The following NAV3 variants were observed in gnomAD, a reference collection of about 807,000 sequenced individuals.
The protein encoded by NAV3 is pore membrane and/or filament interacting like protein 1.
A neutral mutation model predicts 244.7 loss-of-function variants in NAV3; 87 were observed. The ratio of observed to expected loss-of-function variants is 0.36; its 90% CI spans 0.30 to 0.42. The LOEUF (loss-of-function observed/expected upper bound fraction) is 0.42, where lower values mean the gene tolerates loss of function less well. Among genes scored for constraint, NAV3 ranks in the 20% least tolerant of loss-of-function variants. NAV3 has a pLI of 1.00. For missense variants in NAV3, 2,663 were observed against 2,893.3 expected, an observed-to-expected ratio of 0.92 and a Z score of 1.83; for synonymous variants, 1,126 against 1,042.2, an observed-to-expected ratio of 1.08 and a Z score of -1.55.
chr12:77,643,163 G>A (rs777151819), intron 2 of NAV3, among the ~76,000 whole-genome samples: 26 of 151,546 alleles, frequency 1.7e-4, no homozygotes, highest in Non-Finnish European at 1.3e-4. Context: ...TAAATTCCTC[G>A]TATGTTCTGT....
At chr12:78,117,504 TTAATA>T (rs754689882) in intron 13 of NAV3, among the ~76,000 whole-genome samples, 6 of 147,540 alleles carry the variant, frequency 4.1e-5, no homozygotes, top group Non-Finnish European at 7.5e-5. Context: ...TAATTCTATA[TTAATA>T]TAATAGTAAC....
chr12:78,016,193 A>C (rs1397872041), intron 8 of NAV3, among the ~76,000 whole-genome samples: 1 of 151,832 alleles, frequency 6.6e-6, no homozygotes, highest in Non-Finnish European at 1.5e-5. Context: ...AGAAACCAAG[A>C]TCTCATTGCT....
intron 2 of NAV3, among the ~76,000 whole-genome samples, chr12:77,574,193 G>C (rs1261189997): frequency 6.6e-6 from 1 of 152,138 alleles, no homozygotes; most frequent in East Asian, 1.9e-4. Flanking sequence ...AGTATCAAGA[G>C]TGGAAAATGG....
intron 2 of NAV3, among the ~76,000 whole-genome samples, chr12:77,697,813 G>C (rs543254465): frequency 3.3e-5 from 5 of 152,120 alleles, no homozygotes; most frequent in Non-Finnish European, 7.4e-5. Flanking sequence ...CCAAGAGCTT[G>C]AGAAAATAGA....
rs1468597792 is a variant in NAV3, at chr12:78,212,072, A to G, written c.*1555A>G. ...TATCTGGTGTGTTTGTCCTGTATTT[A>G]CAGTTGTTTTTGACTATGCAGGAGC... On this transcript the variant is annotated 3_prime_UTR_variant, in exon 40 of 40. Coordinates refer to ENST00000397909, the MANE Select transcript of NAV3 (RefSeq NM_001024383.2). 6.6e-6 allele frequency: 1 copy of G among 152,626 alleles called. No individual in the cohort carries two copies. The highest frequency in any genetic ancestry group is 1.5e-5 in the Non-Finnish European group (1 of 68,034). 9.5% of individuals were successfully genotyped at this position (152,626 alleles called of 1,614,324 possible). A position where few individuals can be genotyped will look rare whatever the true frequency, so the allele number is the denominator to read the frequency against.
intron 2 of NAV3, among the ~76,000 whole-genome samples, chr12:77,695,474 G>A (rs1875253630): frequency 6.6e-6 from 1 of 152,066 alleles, no homozygotes; most frequent in Non-Finnish European, 1.5e-5. Context: ...GTGTGAATTT[G>A]TTTCTGGGTT....
chr12:77,674,938 A>G (rs78227361), intron 2 of NAV3, among the ~76,000 whole-genome samples: 5,955 of 152,256 alleles, frequency 0.039, 188 homozygotes, highest in African/African-American at 0.052. Flanking sequence ...AAGAGAGAAC[A>G]AATGTCATGT....
intron 34 of NAV3, among the ~76,000 whole-genome samples, chr12:78,191,258 AAAG>A (rs1958963927): frequency 6.6e-6 from 1 of 152,144 alleles, no homozygotes; most frequent in Non-Finnish European, 1.5e-5. Context: ...GGGCTATTCT[AAAG>A]ACTAAATAAA....
Position 78,041,589 on chromosome 12 carries a change from A to G in NAV3, c.2024-8404A>G, listed in dbSNP as rs1300218005. ...TAAATATTTTACATTTTGACCTGCT[A>G]CTGGAAGGAGCCATCTCTTACTGGT... On this transcript the variant is annotated intron_variant, in intron 9 of 39. Coordinates refer to ENST00000397909, the MANE Select transcript of NAV3 (RefSeq NM_001024383.2). Among the ~76,000 whole-genome samples, 3 of 152,282 alleles carry G rather than the reference A, an allele frequency of 2.0e-5. No individual in the cohort carries two copies. In the East Asian group the frequency reaches 5.8e-4, roughly 29 times the overall value.
chr12:77,893,215 G>C (rs1038957085), intron 1 of NAV3, among the ~76,000 whole-genome samples: 2 of 152,090 alleles, frequency 1.3e-5, no homozygotes. Context: ...ACAACCTCAG[G>C]AATGAGGTAG....
Position 77,847,002 on chromosome 12 carries a change from C to G in NAV3, c.243+15298C>G, listed in dbSNP as rs184950243. On this transcript the variant is annotated intron_variant, in intron 1 of 39. Transcript: ENST00000397909. The stretch of plus-strand genomic sequence containing the variant: ...ATTTCCAACCTAAATCTTACGGGCC[C>G]TGAGTTGAATATAATGATATCTTGA... Among the ~76,000 whole-genome samples, 23 of 152,200 alleles carry G rather than the reference C, an allele frequency of 1.5e-4. No individual in the cohort carries two copies. The East Asian group carries it at 4.1e-3, about 27-fold the overall frequency.
At chr12:77,588,465 C>T (rs189230318) in intron 2 of NAV3, among the ~76,000 whole-genome samples, 1 of 152,236 alleles carries the variant, frequency 6.6e-6, no homozygotes, top group East Asian at 1.9e-4. Flanking sequence ...TTAGGAATAA[C>T]CCCGTGGGGC....
chr12:77,739,975 G>A (rs1166712517), intron 2 of NAV3, among the ~76,000 whole-genome samples: 1 of 152,110 alleles, frequency 6.6e-6, no homozygotes, highest in African/African-American at 2.4e-5. Flanking sequence ...AATACAAAGT[G>A]CAAAATCAGA....
intron 2 of NAV3, among the ~76,000 whole-genome samples, chr12:77,748,501 A>G (rs953433652): frequency 1.3e-5 from 2 of 152,220 alleles, no homozygotes; most frequent in Non-Finnish European, 2.9e-5. Flanking sequence ...GTGTCTGTTG[A>G]TGGATGAATG....
chr12:77,900,985 G>C (rs1282747999), intron 1 of NAV3, among the ~76,000 whole-genome samples: 1 of 152,164 alleles, frequency 6.6e-6, no homozygotes, highest in East Asian at 1.9e-4. Context: ...GATGATTAGT[G>C]AGGTGGAACA....
At chr12:77,998,162 T>C (rs1348493469) in intron 6 of NAV3, among the ~76,000 whole-genome samples, 175 bp from the exon 7 acceptor site, 1 of 152,216 alleles carries the variant, frequency 6.6e-6, no homozygotes, top group South Asian at 2.1e-4. Context: ...GAAACAAGAT[T>C]TTTCTGAAGA....
intron 12 of NAV3, among the ~76,000 whole-genome samples, chr12:78,108,931 T>C (rs1437783774): frequency 1.3e-5 from 2 of 151,416 alleles, no homozygotes; most frequent in East Asian, 1.9e-4. Context: ...AAACCCAAAA[T>C]CAGCAGAAGA....
At chr12:78,064,426 TCTGCCTGCCTGCCTGC>T (rs1555273018) in intron 12 of NAV3, among the ~76,000 whole-genome samples, 1 of 136,194 alleles carries the variant, frequency 7.3e-6, no homozygotes, top group African/African-American at 2.7e-5. Flanking sequence ...TGTCTGTCTG[TCTGCCTGCCTGCCTGC>T]CTGCCTGCCT....
At chr12:77,815,932 G>A (rs1872512985) in intron 2 of NAV3, among the ~76,000 whole-genome samples, 1 of 152,134 alleles carries the variant, frequency 6.6e-6, no homozygotes, top group African/African-American at 2.4e-5. Flanking sequence ...GTATGCACCA[G>A]AGGAGGGTTA....
Sources: allele counts gnomAD v4.1 joint callset (sites outside exome capture counted in the v4.1 genomes callset), GRCh38; gene constraint gnomAD v4.1.1; transcripts MANE v1.5; gene names NCBI Gene and HGNC (gene_info 2026-07-23, HGNC 2026-07-21).